The following NRXN1 variants were observed in gnomAD, a reference collection of about 807,000 sequenced individuals.
NRXN1 encodes the protein neurexin 1.
NRXN1 carries 39 observed loss-of-function variants against 150.9 expected under a neutral mutation model. The observed-to-expected ratio is 0.26, with a 90% CI of 0.20 to 0.34. NRXN1 has a LOEUF of 0.34. NRXN1 is among the 10% of genes least tolerant of loss of function. The pLI, the probability that NRXN1 is intolerant of heterozygous loss-of-function variation, is 1.00. For missense variants in NRXN1, 1,815 were observed against 1,949.9 expected, an observed-to-expected ratio of 0.93 and a Z score of 1.30; for synonymous variants, 924 against 757.0, an observed-to-expected ratio of 1.22 and a Z score of -3.62.
At chr2:49,988,619 TAAAAAAA>T (rs3046623) in intron 21 of NRXN1, among the ~76,000 whole-genome samples, 5 of 127,998 alleles carry the variant, frequency 3.9e-5, no homozygotes, top group Non-Finnish European at 4.8e-5. Context: ...AGTTAACTAT[TAAAAAAA>T]AAAAAAAAAA....
chr2:50,152,034 T>C (rs533244962), intron 18 of NRXN1, among the ~76,000 whole-genome samples: 1 of 151,768 alleles, frequency 6.6e-6, no homozygotes, highest in Non-Finnish European at 1.5e-5. Flanking sequence ...TTTTTTCTTA[T>C]TGTGGTATAA....
At chr2:50,519,523 A>C (rs2092724845) in intron 12 of NRXN1, among the ~76,000 whole-genome samples, 1 of 152,004 alleles carries the variant, frequency 6.6e-6, no homozygotes, top group Non-Finnish European at 1.5e-5. Context: ...CTTAGGCCAA[A>C]TTAACTTGGT....
chr2:49,936,959 A>G (rs1451658599), intron 22 of NRXN1, among the ~76,000 whole-genome samples: 2 of 152,200 alleles, frequency 1.3e-5, no homozygotes, highest in African/African-American at 4.8e-5. Context: ...AAACAAAGAT[A>G]GGCTTCTTCC....
At chr2:49,965,523 C>T (rs1231304214) in intron 21 of NRXN1, among the ~76,000 whole-genome samples, 3 of 152,170 alleles carry the variant, frequency 2.0e-5, no homozygotes, top group Non-Finnish European at 4.4e-5. Context: ...CCTCCTTGGC[C>T]TCCCAAAGTG....
chr2:50,614,733 CAAAAAAAAAA>C (rs33968907), intron 8 of NRXN1, among the ~76,000 whole-genome samples: 1 of 98,272 alleles, frequency 1.0e-5, no homozygotes, highest in African/African-American at 3.9e-5. Context: ...ATCAGCCATT[CAAAAAAAAAA>C]AAAAAAAAAA....
chr2:50,921,281 C>T lies in NRXN1; in HGVS notation c.832+588G>A, dbSNP rs570549975. ...CACATGCCTGACTTACCAAGCAATGCGGGAATGCATAGCTAGTTGATAATG... is the reference window on the plus strand; with the variant it reads ...CACATGCCTGACTTACCAAGCAATGTGGGAATGCATAGCTAGTTGATAATG... On this transcript the variant is annotated intron_variant, in intron 5 of 22. Coordinates refer to ENST00000401669, the MANE Select transcript of NRXN1 (RefSeq NM_001330078.2). Among the ~76,000 whole-genome samples, 20 of 151,802 alleles carry T rather than the reference C, an allele frequency of 1.3e-4. No individual in the cohort carries two copies. In the South Asian group the frequency reaches 1.5e-3, roughly 11 times the overall value.
chr2:50,793,188 T>C (rs967466422), intron 5 of NRXN1, among the ~76,000 whole-genome samples: 3 of 152,080 alleles, frequency 2.0e-5, no homozygotes, highest in East Asian at 1.9e-4. Flanking sequence ...TTGTGTAAAA[T>C]ACAAGAAAAG....
intron 5 of NRXN1, among the ~76,000 whole-genome samples, chr2:50,885,454 T>A (rs11897826): frequency 0.35 from 52,230 of 150,738 alleles, 9,708 homozygotes; most frequent in Non-Finnish European, 0.42. Context: ...TCATACTTAT[T>A]TGTATGTTTA....
At chr2:51,014,410 T>G (rs903277668) in intron 2 of NRXN1, among the ~76,000 whole-genome samples, 3 of 151,806 alleles carry the variant, frequency 2.0e-5, no homozygotes, top group Non-Finnish European at 4.4e-5. Flanking sequence ...ACTGAAGACA[T>G]AAAAAAATTA....
chr2:50,324,134 T>A (rs547066204), intron 17 of NRXN1, among the ~76,000 whole-genome samples: 2 of 152,200 alleles, frequency 1.3e-5, no homozygotes, highest in South Asian at 4.2e-4. Flanking sequence ...TCAGGCAGGG[T>A]ATATGCTTGA....
In NRXN1 at chr2:50,720,458, G is replaced by A. The variant is rs17040978; in HGVS notation, c.833-96843C>T. ...AAAACATCTCCAGTCCTTAAGGGGC[G>A]CCTCCCCAGCATTAGCTGCTACTTT... is the stretch of plus-strand genomic sequence containing the variant. On this transcript the variant is annotated intron_variant, in intron 5 of 22. Coordinates refer to ENST00000401669, the MANE Select transcript of NRXN1 (RefSeq NM_001330078.2). 6.8e-3 allele frequency among the ~76,000 whole-genome samples: 1,035 copies of A among 152,138 alleles called. 3 individuals are homozygous for A. The highest frequency in any genetic ancestry group is 9.2e-3 in the Non-Finnish European group (627 of 67,996).
At chr2:50,938,849 T>G (rs1419496188) in intron 2 of NRXN1, among the ~76,000 whole-genome samples, 1 of 152,158 alleles carries the variant, frequency 6.6e-6, no homozygotes, top group Non-Finnish European at 1.5e-5. Flanking sequence ...AAACTTTTAA[T>G]TAGTCACAGG....
chr2:50,905,353 C>T (rs1321632605), intron 5 of NRXN1, among the ~76,000 whole-genome samples: 1 of 152,082 alleles, frequency 6.6e-6, no homozygotes, highest in African/African-American at 2.4e-5. Flanking sequence ...ATTTAAGGAA[C>T]CTGGTAAGAC....
intron 5 of NRXN1, among the ~76,000 whole-genome samples, chr2:50,675,476 C>T (rs769319051): frequency 7.2e-5 from 11 of 152,104 alleles, no homozygotes; most frequent in Non-Finnish European, 1.5e-4. Flanking sequence ...ATCAACTAGA[C>T]TTGGCTTGCT....
chr2:49,992,324 G>C (rs1682112111), intron 21 of NRXN1, among the ~76,000 whole-genome samples: 1 of 151,816 alleles, frequency 6.6e-6, no homozygotes, highest in Non-Finnish European at 1.5e-5. Flanking sequence ...TGAATCATGA[G>C]GTCAGGAAAT....
At chr2:49,995,861 TAAAAAAAAAAAAAAAAA>T (rs60974625) in intron 21 of NRXN1, among the ~76,000 whole-genome samples, 2 of 66,174 alleles carry the variant, frequency 3.0e-5, no homozygotes, top group Non-Finnish European at 5.8e-5. Context: ...TGCTGGATAG[TAAAAAAAAAAAAAAAAA>T]AAAAAGAAAA....
intron 17 of NRXN1, among the ~76,000 whole-genome samples, chr2:50,430,946 C>T (rs1424764731): frequency 3.3e-5 from 5 of 152,110 alleles, no homozygotes; most frequent in Admixed American, 3.3e-4. Flanking sequence ...ATGCCTCATC[C>T]ACAAAGGAGC....
chr2:50,063,952 G>A (rs1403241450), intron 19 of NRXN1, among the ~76,000 whole-genome samples: 2 of 152,142 alleles, frequency 1.3e-5, no homozygotes, highest in African/African-American at 4.8e-5. Flanking sequence ...TGATAACATA[G>A]TGGTATTTCT....
chr2:50,172,469 T>C (rs7560082), intron 18 of NRXN1, among the ~76,000 whole-genome samples: 136 of 152,188 alleles, frequency 8.9e-4, no homozygotes, highest in African/African-American at 3.2e-3. Flanking sequence ...ATGAACCACA[T>C]GAGCCAGGTG....
Sources: gnomAD v4.1 joint callset for allele counts (sites outside exome capture counted in the v4.1 genomes callset) on GRCh38, gnomAD v4.1.1 for gene constraint, MANE v1.5 for transcripts, NCBI Gene and HGNC (gene_info 2026-07-23, HGNC 2026-07-21) for gene names.